The following CSMD1 variants were observed in gnomAD, a reference collection of about 807,000 sequenced individuals.
CSMD1 encodes the protein CUB and sushi domain-containing protein 1.
CSMD1 carries 213 observed loss-of-function variants against 417.5 expected under a neutral mutation model. The observed-to-expected ratio is 0.51, with a 90% confidence interval of 0.46 to 0.57. CSMD1 has a LOEUF of 0.57. Among genes scored for constraint, CSMD1 ranks in the 20% least tolerant of loss-of-function variants. CSMD1 has a pLI of 0.00. For missense variants in CSMD1, 6,923 were observed against 4,529.7 expected, an observed-to-expected ratio of 1.53 and a Z score of -15.17; for synonymous variants, 2,862 against 1,736.8, an observed-to-expected ratio of 1.65 and a Z score of -16.11.
chr8:4,119,887 C>A (rs1802381858), intron 3 of CSMD1, among the ~76,000 whole-genome samples: 1 of 152,122 alleles, frequency 6.6e-6, no homozygotes, highest in African/African-American at 2.4e-5. Flanking sequence ...AAGTACAGGA[C>A]AGTTGCCGGA....
At position 4,139,120 on chromosome 8, in the gene CSMD1, T is replaced by C. The variant is rs1371603208; in HGVS notation, c.416-107021A>G. Among the ~76,000 whole-genome samples the C allele has an allele frequency of 2.0e-5, 3 of 152,274 alleles. No homozygotes were observed. The East Asian group carries it at 5.8e-4, about 29-fold the overall frequency. ...ACACAGCTACACATGAAGACCCCTG[T>C]GATTCTAATCCTGGACCCATTTCCT... On this transcript the variant is annotated intron_variant, in intron 3 of 69. Coordinates refer to ENST00000635120, the MANE Select transcript of CSMD1 (RefSeq NM_033225.6).
chr8:4,241,849 T>C (rs1174279022), intron 3 of CSMD1, among the ~76,000 whole-genome samples: 1 of 152,042 alleles, frequency 6.6e-6, no homozygotes, highest in East Asian at 1.9e-4. Flanking sequence ...TATGGGGTGA[T>C]TTTTAAGTGC....
At chr8:4,948,672 C>T (rs1456074686) in intron 1 of CSMD1, among the ~76,000 whole-genome samples, 1 of 151,950 alleles carries the variant, frequency 6.6e-6, no homozygotes, top group Non-Finnish European at 1.5e-5. Flanking sequence ...TTGCTAAACT[C>T]ATATTTTTAA....
At chr8:4,618,298 G>GTCGTATTC (rs11280789) in intron 2 of CSMD1, among the ~76,000 whole-genome samples, 18 of 151,322 alleles carry the variant, frequency 1.2e-4, no homozygotes, top group African/African-American at 4.1e-4. Context: ...GCTCAGCCAT[G>GTCGTATTC]TCCCTCATAA....
intron 10 of CSMD1, among the ~76,000 whole-genome samples, chr8:3,517,713 T>C (rs1477810342): frequency 1.3e-5 from 2 of 152,200 alleles, no homozygotes; most frequent in African/African-American, 4.8e-5. Context: ...GTCACATTTT[T>C]TGATAGTATA....
intron 3 of CSMD1, among the ~76,000 whole-genome samples, chr8:4,198,252 C>T (rs540361009): frequency 3.0e-4 from 46 of 152,214 alleles, no homozygotes; most frequent in African/African-American, 1.1e-3. Flanking sequence ...AAGTTATCCT[C>T]AACTCATTAT....
At chr8:3,147,985 A>G (rs188019140) in intron 40 of CSMD1, among the ~76,000 whole-genome samples, 1 of 152,262 alleles carries the variant, frequency 6.6e-6, no homozygotes, top group African/African-American at 2.4e-5. Flanking sequence ...GATCACCCTA[A>G]CAGCATTATC....
intron 5 of CSMD1, among the ~76,000 whole-genome samples, chr8:3,952,566 G>T (rs1383277530): frequency 1.3e-5 from 2 of 152,130 alleles, no homozygotes; most frequent in South Asian, 2.1e-4. Context: ...CACAGAGGCA[G>T]AAAACAGATC....
chr8:4,042,814 T>TAAAAAAAAAAA lies in CSMD1; in HGVS notation c.416-10716_416-10715insTTTTTTTTTTT, dbSNP rs1563355345. On this transcript the variant is annotated intron_variant, in intron 3 of 69. Coordinates refer to ENST00000635120, the MANE Select transcript of CSMD1 (RefSeq NM_033225.6). ...ACAATAGGTGAAGTGGTACAACATA[T>TAAAAAAAAAAA]TAAAAAAAAAAAAAAAAAAAAAAAA... is the stretch of plus-strand genomic sequence containing the variant. Among the ~76,000 whole-genome samples, 53 of 21,042 alleles carry TAAAAAAAAAAA rather than the reference T, an allele frequency of 2.5e-3. 3 individuals carry two copies. Among genetic ancestry groups the TAAAAAAAAAAA allele is most frequent in the African/African-American group, 0.013 (52 of 4,018 alleles). 13.8% of individuals were successfully genotyped at this position (21,042 alleles called of 152,430 possible).
chr8:3,868,141 A>G (rs369426185), intron 5 of CSMD1, among the ~76,000 whole-genome samples: 2 of 152,052 alleles, frequency 1.3e-5, no homozygotes, highest in African/African-American at 4.8e-5. Context: ...CTTGGCAGAA[A>G]TCACAGCCCT....
At chr8:3,991,090 C>T (rs1814710104) in intron 5 of CSMD1, among the ~76,000 whole-genome samples, 1 of 152,222 alleles carries the variant, frequency 6.6e-6, no homozygotes, top group Admixed American at 6.5e-5. Context: ...TGCCCAGCGG[C>T]TTCATCCCTG....
At chr8:4,570,895 G>T (rs1169928401) in intron 2 of CSMD1, among the ~76,000 whole-genome samples, 1 of 151,990 alleles carries the variant, frequency 6.6e-6, no homozygotes. Context: ...CCAGGAATTT[G>T]TCCATTTCTT....
At chr8:4,487,780 A>G (rs943121145) in intron 2 of CSMD1, among the ~76,000 whole-genome samples, 2 of 152,210 alleles carry the variant, frequency 1.3e-5, no homozygotes, top group South Asian at 4.1e-4. Flanking sequence ...AAAATGTCCT[A>G]AATATACTTA....
intron 25 of CSMD1, 63 bp from the exon 26 acceptor site, chr8:3,284,409 G>T (rs1265775074): frequency 1.6e-6 from 2 of 1,269,186 alleles, no homozygotes; most frequent in African/African-American, 1.5e-5. Flanking sequence ...CCCCATAGCT[G>T]TAAAGTAAGC....
chr8:4,144,950 T>C (rs955090835), intron 3 of CSMD1, among the ~76,000 whole-genome samples: 1 of 151,102 alleles, frequency 6.6e-6, no homozygotes, highest in African/African-American at 2.5e-5. Flanking sequence ...AAATCATTTC[T>C]AACTTGAAAA....
intron 5 of CSMD1, among the ~76,000 whole-genome samples, chr8:3,757,905 T>C (rs1797752750): frequency 6.6e-6 from 1 of 152,022 alleles, no homozygotes; most frequent in African/African-American, 2.4e-5. Flanking sequence ...AGCTGGAAGA[T>C]AAACAGATGA....
intron 42 of CSMD1, chr8:3,113,054 G>T (rs552625698): frequency 6.6e-6 from 1 of 152,218 alleles, no homozygotes; most frequent in African/African-American, 2.4e-5. Flanking sequence ...AGAGACGGGG[G>T]CCTGTGATCT....
At chr8:4,240,714 A>T (rs1277607665) in intron 3 of CSMD1, among the ~76,000 whole-genome samples, 1 of 152,180 alleles carries the variant, frequency 6.6e-6, no homozygotes, top group African/African-American at 2.4e-5. Context: ...TAAAAAATGC[A>T]GTTGATGCCA....
intron 5 of CSMD1, among the ~76,000 whole-genome samples, chr8:3,954,094 C>T (rs748698435): frequency 2.6e-5 from 4 of 151,852 alleles, no homozygotes; most frequent in Non-Finnish European, 4.4e-5. Flanking sequence ...CGTGCAGGGG[C>T]CTAGGAACGT....
Sources: gnomAD v4.1 joint callset for allele counts (sites outside exome capture counted in the v4.1 genomes callset) on GRCh38, gnomAD v4.1.1 for gene constraint, MANE v1.5 for transcripts, NCBI Gene and HGNC (gene_info 2026-07-23, HGNC 2026-07-21) for gene names.